The following GRIN2B variants were observed in gnomAD, a reference collection of about 807,000 sequenced individuals.
GRIN2B encodes the protein glutamate receptor ionotropic, NMDA 2B.
A neutral mutation model predicts 114.5 loss-of-function variants in GRIN2B; 5 were observed. The ratio of observed to expected loss-of-function variants is 0.04; its 90% confidence interval spans 0.02 to 0.09. The LOEUF is 0.09. Ranked by LOEUF, GRIN2B falls within the 10% of genes least tolerant of loss-of-function variation. GRIN2B has a pLI of 1.00. For missense variants in GRIN2B, 1,108 were observed against 1,943.5 expected (o/e 0.57, Z 8.08); for synonymous variants, 787 against 745.1 (o/e 1.06, Z -0.92).
chr12:13,607,400 A>AATATATT (rs1949291431), intron 10 of GRIN2B, among the ~76,000 whole-genome samples: 2 of 58,340 alleles, frequency 3.4e-5, no homozygotes, highest in African/African-American at 1.7e-4. Context: ...TATTATATAT[A>AATATATT]ATATATAAAA....
chr12:13,978,889 C>A (rs75541213), intron 2 of GRIN2B, among the ~76,000 whole-genome samples: 3 of 152,200 alleles, frequency 2.0e-5, no homozygotes, highest in African/African-American at 7.2e-5. Context: ...TATTTCTCTT[C>A]TCAAGTACAT....
chr12:13,826,518 C>T (rs970461142), intron 3 of GRIN2B, among the ~76,000 whole-genome samples: 11 of 152,104 alleles, frequency 7.2e-5, no homozygotes, highest in African/African-American at 2.7e-4. Context: ...GTATAGGACA[C>T]TTCCAACAGT....
chr12:13,591,206 A>G (rs565738965), intron 10 of GRIN2B, among the ~76,000 whole-genome samples: 1 of 152,246 alleles, frequency 6.6e-6, no homozygotes, highest in East Asian at 1.9e-4. Flanking sequence ...GAAACAAGTG[A>G]GTGCCTGGGG....
At chr12:13,607,376 A>ATATATAATATATAT (rs1565473767) in intron 10 of GRIN2B, among the ~76,000 whole-genome samples, 769 of 36,206 alleles carry the variant, frequency 0.021, 61 homozygotes, top group African/African-American at 0.065. Context: ...ATTATATATT[A>ATATATAATATATAT]TATATATAAT....
chr12:13,677,218 A>G (rs867613665), intron 4 of GRIN2B, among the ~76,000 whole-genome samples: 4 of 152,302 alleles, frequency 2.6e-5, no homozygotes, highest in Middle Eastern at 6.8e-3. Context: ...GTCCCTGCTA[A>G]GAAGCAAAAG....
At chr12:13,638,523 T>C (rs951948276) in intron 5 of GRIN2B, among the ~76,000 whole-genome samples, 1 of 152,116 alleles carries the variant, frequency 6.6e-6, no homozygotes, top group Non-Finnish European at 1.5e-5. Flanking sequence ...GGAAAAGTCA[T>C]GCTTTCCAAA....
intron 4 of GRIN2B, among the ~76,000 whole-genome samples, chr12:13,738,727 C>T (rs1863226659): frequency 6.6e-6 from 1 of 151,240 alleles, no homozygotes; most frequent in African/African-American, 2.5e-5. Flanking sequence ...TTCTGATAAC[C>T]GAGGTAAAAA....
chr12:13,917,690 G>T (rs1019458518), intron 2 of GRIN2B, among the ~76,000 whole-genome samples: 6 of 152,144 alleles, frequency 3.9e-5, no homozygotes, highest in African/African-American at 1.4e-4. Flanking sequence ...ACAGAAGGAA[G>T]TTAGAACATT....
At chr12:13,592,440 TCTGCTGTA>T (rs1189235348) in intron 10 of GRIN2B, among the ~76,000 whole-genome samples, 2 of 152,200 alleles carry the variant, frequency 1.3e-5, no homozygotes, top group African/African-American at 4.8e-5. Context: ...CAGGCTTCTC[TCTGCTGTA>T]CTGCCTGTTG....
At position 13,544,475 on chromosome 12, in the gene GRIN2B, AT is replaced by A. The variant is rs1435399209; in HGVS notation, c.*18307del. ...CCAACCAAACGCATACAAATTTTAA[AT>A]ATGTATCTTCAGGCTATACATTTTC... On this transcript the variant is annotated 3_prime_UTR_variant, in exon 14 of 14. Transcript: ENST00000609686. 1 of 152,126 alleles carries A rather than the reference AT, an allele frequency of 6.6e-6. No homozygotes were observed. Among genetic ancestry groups the A allele is most frequent in the Non-Finnish European group, 1.5e-5 (1 of 68,026 alleles). The allele number at this position is 152,126 out of a possible 1,614,324, so 9.4% of individuals were successfully genotyped here. A position where few individuals can be genotyped will look rare whatever the true frequency, so the allele number is the denominator to read the frequency against.
chr12:13,875,705 T>G (rs781520056), intron 2 of GRIN2B, among the ~76,000 whole-genome samples: 16 of 152,158 alleles, frequency 1.1e-4, no homozygotes, highest in Non-Finnish European at 2.2e-4. Context: ...GAGCAAAGCT[T>G]TAGAGTTAAT....
intron 5 of GRIN2B, among the ~76,000 whole-genome samples, chr12:13,620,114 G>A (rs1421687105): frequency 6.6e-6 from 1 of 152,220 alleles, no homozygotes; most frequent in Non-Finnish European, 1.5e-5. Context: ...AAATCTCACA[G>A]AGACCCTCAT....
intron 5 of GRIN2B, among the ~76,000 whole-genome samples, chr12:13,649,059 T>C (rs536952164): frequency 6.6e-6 from 1 of 152,230 alleles, no homozygotes; most frequent in Non-Finnish European, 1.5e-5. Context: ...CTAGTGTAAT[T>C]GTGAAACCTT....
At chr12:13,574,427 T>A (rs77644973) in intron 10 of GRIN2B, among the ~76,000 whole-genome samples, 5 of 152,198 alleles carry the variant, frequency 3.3e-5, no homozygotes, top group African/African-American at 1.2e-4. Flanking sequence ...CAATGACAAC[T>A]GATGTTTATA....
intron 3 of GRIN2B, among the ~76,000 whole-genome samples, chr12:13,854,487 G>A (rs1865625811): frequency 6.6e-6 from 1 of 152,132 alleles, no homozygotes; most frequent in Non-Finnish European, 1.5e-5. Flanking sequence ...TCCAGGCTGG[G>A]TGACAGGGTG....
intron 3 of GRIN2B, among the ~76,000 whole-genome samples, chr12:13,771,735 A>C (rs1023827210): frequency 5.9e-5 from 9 of 152,256 alleles, no homozygotes; most frequent in Non-Finnish European, 1.2e-4. Context: ...CACATATTAT[A>C]GCCAAGAATA....
In GRIN2B at chr12:13,563,691, T is replaced by G. The variant is rs2136404260; in HGVS notation, c.3547A>C (p.Thr1183Pro). ...CTNRSHIKHG[T>P]GDKHGVVSGV... is the part of the protein sequence containing the mutation. The stretch of plus-strand genomic sequence containing the variant: ...CTGACCACGCCGTGTTTGTCGCCCG[T>G]CCCGTGCTTGATGTGAGACCTGTTG... Residue 1183 changes from threonine (T) to proline (P), a missense_variant, in exon 14 of 14, where the codon ACG becomes CCG. Physicochemically the swap from Thr to Pro is conservative, Grantham distance 38. Transcript: ENST00000609686. 6.2e-7 allele frequency: 1 copy of G among 1,613,584 alleles called. No homozygotes were observed. Among genetic ancestry groups the G allele is most frequent in the South Asian group, 1.1e-5 (1 of 91,080 alleles).
At chr12:13,952,063 G>GT (rs201776819) in intron 2 of GRIN2B, among the ~76,000 whole-genome samples, 11,959 of 150,996 alleles carry the variant, frequency 0.079, 523 homozygotes, top group Middle Eastern at 0.13. Flanking sequence ...TTTTTATTGG[G>GT]TTTTTTTTTG....
intron 3 of GRIN2B, among the ~76,000 whole-genome samples, chr12:13,798,187 C>G (rs1195468479): frequency 1.3e-5 from 2 of 152,236 alleles, no homozygotes; most frequent in Non-Finnish European, 2.9e-5. Context: ...TCAGTAACCT[C>G]TCTACTAAAA....
Sources: allele counts gnomAD v4.1 joint callset (sites outside exome capture counted in the v4.1 genomes callset), GRCh38; gene constraint gnomAD v4.1.1; transcripts MANE v1.5; gene names NCBI Gene and HGNC (gene_info 2026-07-23, HGNC 2026-07-21).